TRIM17: variants seen among roughly 807,000 people sequenced by gnomAD.
TRIM17 encodes E3 ubiquitin-protein ligase TRIM17.
TRIM17 carries 27 observed loss-of-function variants against 35.8 expected under a neutral mutation model. That is an observed-to-expected ratio of 0.75 (90% confidence interval 0.56 to 1.04). The LOEUF (loss-of-function observed/expected upper bound fraction) is 1.04, where lower values mean the gene tolerates loss of function less well. TRIM17 is among the 50% of genes least tolerant of loss of function. TRIM17 has a pLI of 0.00. For synonymous variants in TRIM17, 246 were observed against 252.6 expected, an observed-to-expected ratio of 0.97 and a Z score of 0.25; for missense variants, 582 against 612.8, an observed-to-expected ratio of 0.95 and a Z score of 0.53.
chr1:228,408,976 A>C lies in TRIM17; in HGVS notation c.883+196T>G. ...GGGCTGGGCAGAGAGACCACTGGGAACTCAACAAGATTCATCCCATGAATT... is the reference window on the plus strand; with the variant it reads ...GGGCTGGGCAGAGAGACCACTGGGACCTCAACAAGATTCATCCCATGAATT... On this transcript the variant is annotated intron_variant, in intron 6 of 6. Coordinates refer to ENST00000366698, the MANE Select transcript of TRIM17 (RefSeq NM_016102.4). The surrounding 1 kb of genome is among the most constrained non-coding windows in gnomAD (Gnocchi z 6.3). The C allele has an allele frequency of 6.6e-7, 1 of 1,523,574 alleles. No homozygotes were observed. Among genetic ancestry groups the C allele is most frequent in the Non-Finnish European group, 8.8e-7 (1 of 1,131,396 alleles). 94.4% of individuals were successfully genotyped at this position (1,523,574 alleles called of 1,614,324 possible). A position where few individuals can be genotyped will look rare whatever the true frequency, so the allele number is the denominator to read the frequency against.
chr1:228,414,041 C>T (rs1470435255), intron 2 of TRIM17, 149 bp from the exon 3 acceptor site: 3 of 659,662 alleles, frequency 4.5e-6, no homozygotes, highest in Non-Finnish European at 5.4e-6. Flanking sequence ...GAATGTGCCA[C>T]CTTGGATTAT....
chr1:228,409,677 G>A lies in TRIM17; in HGVS notation c.757-266C>T, dbSNP rs891376089. 8 of 427,850 alleles carry A rather than the reference G, an allele frequency of 1.9e-5. No homozygotes were observed. In the Admixed American group the frequency reaches 2.4e-4, roughly 13 times the overall value. The allele number at this position is 427,850 out of a possible 1,614,324, so 26.5% of individuals were successfully genotyped here. On this transcript the variant is annotated intron_variant, in intron 4 of 6. Coordinates refer to ENST00000366698, the MANE Select transcript of TRIM17 (RefSeq NM_016102.4). ...TGAGGTCCTGCAACTCAGGAGAGGC[G>A]GAGGGACCCCTTCCAGGCAAGTGGC...
At chr1:228,409,299 G>A in intron 5 of TRIM17, 24 bp from the exon 6 acceptor site, 2 of 1,612,238 alleles carry the variant, frequency 1.2e-6, no homozygotes, top group Non-Finnish European at 1.7e-6. Context: ...ACACAGGGGA[G>A]TCTTATTGAC....
intron 4 of TRIM17, chr1:228,409,775 A>T: frequency 6.4e-5 from 10 of 155,278 alleles, no homozygotes; most frequent in Middle Eastern, 2.6e-3. Context: ...TGGGGGCGCA[A>T]TTGGGTGCAG....
chr1:228,409,970 C>T (rs143222586), intron 4 of TRIM17, among the ~76,000 whole-genome samples: 21 of 152,286 alleles, frequency 1.4e-4, no homozygotes, highest in African/African-American at 3.8e-4. Context: ...TAGGCAGGGA[C>T]TCTCATGCAG....
rs1157702414 is a variant in TRIM17 at position 228,410,632 on chromosome 1, T to C, written c.756+314A>G. Among the ~76,000 whole-genome samples, 2 of 151,894 alleles carry C rather than the reference T, an allele frequency of 1.3e-5. No individual in the cohort carries two copies. The highest frequency in any genetic ancestry group is 2.9e-5 in the Non-Finnish European group (2 of 67,968). The stretch of plus-strand genomic sequence containing the variant: ...GGAGATAGCATCTTTAAGGAGGGAG[T>C]TGAGGTCACTGGGGTGGGCCCTAAT... On this transcript the variant is annotated intron_variant, in intron 4 of 6. Transcript: ENST00000366698. The surrounding 1 kb of genome is among the most constrained non-coding windows in gnomAD (Gnocchi z 4.6).
rs752959011 is a variant in TRIM17 at position 228,408,615 on chromosome 1, A to T, written c.1020T>A (p.Ala340=). ...CAGAGGAGAAGGCCGTCTGGCCCAC[A>T]GCACAGGGGTAAGCCACAAATCGGT... The part of the protein sequence containing the change: ...SKDRFVAYPC[A]VGQTAFSSGR... Residue 340 remains alanine, a synonymous_variant, in exon 7 of 7, where the codon GCT becomes GCA. Transcript: ENST00000366698. This position sits in a 1 kb window ranked among gnomAD's most constrained non-coding sequence, Gnocchi z 6.3. 6.2e-7 allele frequency: 1 copy of T among 1,613,810 alleles called. No individual in the cohort carries two copies. The highest frequency in any genetic ancestry group is 8.5e-7 in the Non-Finnish European group (1 of 1,180,018).
At position 228,412,000 on chromosome 1, in the gene TRIM17, G is replaced by T. The variant is rs1489396112; in HGVS notation, c.526-824C>A. On this transcript the variant is annotated intron_variant, in intron 3 of 6. Coordinates refer to ENST00000366698, the MANE Select transcript of TRIM17 (RefSeq NM_016102.4). The surrounding 1 kb of genome is among the most constrained non-coding windows in gnomAD (Gnocchi z 4.2). ...GTCACTGGTGCTAATGAAACCAAGG[G>T]GTTCACTGATCAGGTCAGCCTGCCC... 6.6e-6 allele frequency among the ~76,000 whole-genome samples: 1 copy of T among 152,120 alleles called. No individual in the cohort carries two copies. Among genetic ancestry groups the T allele is most frequent in the African/African-American group, 2.4e-5 (1 of 41,406 alleles).
Position 228,408,579 on chromosome 1 carries a change from G to C in TRIM17, c.1056C>G (p.Tyr352Ter), listed in dbSNP as rs773049710. The C allele has an allele frequency of 3.1e-6, 5 of 1,613,954 alleles. No individual in the cohort carries two copies. The highest frequency in any genetic ancestry group is 2.2e-5 in the South Asian group (2 of 91,092). ...GQTAFSSGRH[Y>*]WEVGMNITGD... ...CGGTGATGTTCATGCCCACCTCCCA[G>C]TAGTGCCTCCCAGAGGAGAAGGCCG... Residue 352 changes from tyrosine to a stop codon, truncating the protein, a stop_gained, in exon 7 of 7, where the codon TAC (tyrosine) becomes TAG (stop). Coordinates refer to ENST00000366698, the MANE Select transcript of TRIM17 (RefSeq NM_016102.4). LOFTEE classifies it low-confidence loss of function (END_TRUNC). The surrounding 1 kb of genome is among the most constrained non-coding windows in gnomAD (Gnocchi z 6.3).
chr1:228,409,034 C>T (rs756903205), intron 6 of TRIM17, 138 bp downstream of exon 6: 3 of 1,608,238 alleles, frequency 1.9e-6, no homozygotes, highest in Non-Finnish European at 1.7e-6. Context: ...TACGAAGGCA[C>T]AGTGAATAGC....
Position 228,408,850 on chromosome 1 carries a change from G to A in TRIM17, c.884-99C>T. The A allele has an allele frequency of 6.6e-7, 1 of 1,508,746 alleles. No individual in the cohort carries two copies. 93.5% of individuals were successfully genotyped at this position (1,508,746 alleles called of 1,614,324 possible). On this transcript the variant is annotated intron_variant, in intron 6 of 6. Transcript: ENST00000366698. This position sits in a 1 kb window ranked among gnomAD's most constrained non-coding sequence, Gnocchi z 6.3. ...GCCCTAGTGGTGGATGTGGCCAATG[G>A]TCCCCTAACTCCGCAGAGGCCTCCC...
At chr1:228,414,538 G>T in intron 2 of TRIM17, 106 bp downstream of exon 2, 1 of 1,032,294 alleles carries the variant, frequency 9.7e-7, no homozygotes, top group Non-Finnish European at 1.4e-6. Context: ...CCTGACTCGG[G>T]CCACTTTGTC....
At position 228,415,244 on chromosome 1, in the gene TRIM17, G is replaced by A. The variant is rs1045143465; in HGVS notation, c.-41-131C>T. ...AGAGAGTCCAGAGTCATCATTTTTA[G>A]CCTTGTCAACAACAGACACAGATGC... On this transcript the variant is annotated intron_variant, in intron 1 of 6. Coordinates refer to ENST00000366698, the MANE Select transcript of TRIM17 (RefSeq NM_016102.4). 41 of 729,688 alleles carry A rather than the reference G, an allele frequency of 5.6e-5. No homozygotes were observed. The South Asian group carries it at 7.8e-4, about 14-fold the overall frequency. The allele number at this position is 729,688 out of a possible 1,614,324, so 45.2% of individuals were successfully genotyped here.
Position 228,416,582 on chromosome 1 carries a change from A to C in TRIM17, c.-85T>G. The C allele has an allele frequency of 3.0e-6, 3 of 985,372 alleles. No individual in the cohort carries two copies. Among genetic ancestry groups the C allele is most frequent in the Non-Finnish European group, 3.6e-6 (3 of 830,228 alleles). The allele number at this position is 985,372 out of a possible 1,614,324, so 61.0% of individuals were successfully genotyped here. A position where few individuals can be genotyped will look rare whatever the true frequency, so the allele number is the denominator to read the frequency against. ...GCACAGCGCCTAGTGCACCTGGCCG[A>C]GCGCTCGCTGCCGGGAAAGGCTGGG... On this transcript the variant is annotated 5_prime_UTR_variant, in exon 1 of 7. Transcript: ENST00000366698.
At position 228,408,792 on chromosome 1, in the gene TRIM17, G is replaced by C; in HGVS notation, c.884-41C>G. On this transcript the variant is annotated intron_variant, in intron 6 of 6. Coordinates refer to ENST00000366698, the MANE Select transcript of TRIM17 (RefSeq NM_016102.4). This position sits in a 1 kb window ranked among gnomAD's most constrained non-coding sequence, Gnocchi z 6.3. ...GTGGTGGAGAGATGGGGAGAGGTGT[G>C]GGGCATTCAGGGTCAAAGGTGGGAG... 1 of 1,570,852 alleles carries C rather than the reference G, an allele frequency of 6.4e-7. No individual in the cohort carries two copies. Among genetic ancestry groups the C allele is most frequent in the Non-Finnish European group, 8.6e-7 (1 of 1,164,294 alleles).
chr1:228,410,829 G>T lies in TRIM17; in HGVS notation c.756+117C>A. 1 of 736,758 alleles carries T rather than the reference G, an allele frequency of 1.4e-6. No homozygotes were observed. The highest frequency in any genetic ancestry group is 2.1e-6 in the Non-Finnish European group (1 of 465,908). The allele number at this position is 736,758 out of a possible 1,614,324, so 45.6% of individuals were successfully genotyped here. On this transcript the variant is annotated intron_variant, in intron 4 of 6. Coordinates refer to ENST00000366698, the MANE Select transcript of TRIM17 (RefSeq NM_016102.4). This position sits in a 1 kb window ranked among gnomAD's most constrained non-coding sequence, Gnocchi z 4.6. The stretch of plus-strand genomic sequence containing the variant: ...CTCAGCCACCCAGCCTCCAGGACTA[G>T]CAGACTGGGAGCTAACAGCCCTTTC...
chr1:228,413,698 G>C lies in TRIM17; in HGVS notation c.525+99C>G, dbSNP rs1414113681. 4.2e-6 allele frequency: 4 copies of C among 963,002 alleles called. No homozygotes were observed. In the African/African-American group the frequency reaches 6.5e-5, roughly 16 times the overall value. The allele number at this position is 963,002 out of a possible 1,614,324, so 59.7% of individuals were successfully genotyped here. A position where few individuals can be genotyped will look rare whatever the true frequency, so the allele number is the denominator to read the frequency against. ...GTAGAGGCAACTTTCTTCTTTTCCT[G>C]CCACTGCGGCAGCATATCCCCACGG... On this transcript the variant is annotated intron_variant, in intron 3 of 6. Transcript: ENST00000366698.
At chr1:228,415,288 G>A (rs1008672555) in intron 1 of TRIM17, 175 bp from the exon 2 acceptor site, 10 of 569,958 alleles carry the variant, frequency 1.8e-5, no homozygotes, top group Admixed American at 3.2e-5. Flanking sequence ...AAACTACACA[G>A]ACCCTCCCTG....
intron 1 of TRIM17, 38 bp from the exon 2 acceptor site, chr1:228,415,151 C>A (rs955212072): frequency 4.7e-6 from 7 of 1,485,474 alleles, no homozygotes; most frequent in Non-Finnish European, 5.4e-6. Context: ...ATGATCTGGG[C>A]GCCGGCAGTG....
Sources: allele counts gnomAD v4.1 joint callset (sites outside exome capture counted in the v4.1 genomes callset), GRCh38; gene constraint gnomAD v4.1.1; non-coding constraint Gnocchi (gnomAD v3.1); transcripts MANE v1.5; gene names NCBI Gene and HGNC (gene_info 2026-07-23, HGNC 2026-07-21).